SPOCK3: variants seen among roughly 807,000 people sequenced by gnomAD.
The protein encoded by SPOCK3 is SPARC (osteonectin), cwcv and kazal like domains proteoglycan 3.
In SPOCK3, 30 loss-of-function variants were observed where a neutral mutation model predicts 56.6. The ratio of observed to expected loss-of-function variants is 0.53; its 90% CI spans 0.40 to 0.72. The LOEUF (loss-of-function observed/expected upper bound fraction) is 0.72. Ranked by LOEUF, SPOCK3 falls within the 30% of genes least tolerant of loss-of-function variation. The pLI is 0.00. For synonymous variants in SPOCK3, 196 were observed against 183.3 expected, an observed-to-expected ratio of 1.07 and a Z score of -0.56; for missense variants, 527 against 530.0, an observed-to-expected ratio of 0.99 and a Z score of 0.06.
chr4:167,083,320 G>T lies in SPOCK3; in HGVS notation c.190-20783C>A, dbSNP rs1247837166. On this transcript the variant is annotated intron_variant, in intron 2 of 10. Coordinates refer to ENST00000357545, the MANE Select transcript of SPOCK3 (RefSeq NM_001040159.2). ...GGTTGTCATCTGCTCCTACTGAGAT[G>T]CCCCACAGTTCCCCACCATGTGCAT... is the stretch of plus-strand genomic sequence containing the variant. 3 of 764,330 alleles carry T rather than the reference G, an allele frequency of 3.9e-6. No homozygotes were observed. In the African/African-American group the frequency reaches 5.1e-5, roughly 13 times the overall value. 47.3% of individuals were successfully genotyped at this position (764,330 alleles called of 1,614,324 possible).
chr4:166,911,156 G>A (rs998779392), intron 5 of SPOCK3, among the ~76,000 whole-genome samples: 26 of 152,134 alleles, frequency 1.7e-4, no homozygotes, highest in South Asian at 2.1e-4. Flanking sequence ...CTCTCCTAGC[G>A]ATAACTCCGC....
chr4:167,064,237 T>C (rs2150250434), intron 2 of SPOCK3, among the ~76,000 whole-genome samples: 1 of 151,776 alleles, frequency 6.6e-6, no homozygotes, highest in East Asian at 1.9e-4. Context: ...AAGAAAAAAA[T>C]GACATCACTG....
At chr4:167,216,781 G>A (rs1352391811) in intron 2 of SPOCK3, among the ~76,000 whole-genome samples, 5 of 151,986 alleles carry the variant, frequency 3.3e-5, no homozygotes, top group Admixed American at 3.3e-4. Flanking sequence ...GTATATCTAA[G>A]TATTTTCTGA....
At chr4:166,891,828 C>T (rs540751748) in intron 5 of SPOCK3, among the ~76,000 whole-genome samples, 15 of 151,904 alleles carry the variant, frequency 9.9e-5, no homozygotes, top group Non-Finnish European at 1.6e-4. Context: ...TCAGGAGCAA[C>T]TGTGAGTGGT....
intron 6 of SPOCK3, among the ~76,000 whole-genome samples, chr4:166,873,086 T>C (rs1230924535): frequency 1.3e-5 from 2 of 151,980 alleles, no homozygotes; most frequent in Non-Finnish European, 2.9e-5. Flanking sequence ...ACCCATATAC[T>C]TTCCACTAGC....
intron 6 of SPOCK3, among the ~76,000 whole-genome samples, chr4:166,819,871 C>T (rs772340237): frequency 6.6e-6 from 1 of 151,808 alleles, no homozygotes; most frequent in Non-Finnish European, 1.5e-5. Context: ...AGGCATGCAC[C>T]ACCATGCCCA....
At chr4:166,769,257 G>A (rs1738585540) in intron 7 of SPOCK3, among the ~76,000 whole-genome samples, 1 of 152,128 alleles carries the variant, frequency 6.6e-6, no homozygotes, top group African/African-American at 2.4e-5. Flanking sequence ...GAGGGGGAGA[G>A]GTGCTCTGAT....
At chr4:167,087,942 G>GA (rs1758351095) in intron 2 of SPOCK3, among the ~76,000 whole-genome samples, 1 of 151,570 alleles carries the variant, frequency 6.6e-6, no homozygotes, top group Admixed American at 6.6e-5. Flanking sequence ...TATGGAACCA[G>GA]AAAAAGATGG....
intron 5 of SPOCK3, among the ~76,000 whole-genome samples, chr4:166,904,636 C>A (rs1372155451): frequency 6.6e-5 from 10 of 151,874 alleles, no homozygotes; most frequent in Non-Finnish European, 1.3e-4. Context: ...TGTTCTCACT[C>A]ATATGTGGGA....
At chr4:166,866,911 G>C (rs996734714) in intron 6 of SPOCK3, among the ~76,000 whole-genome samples, 1 of 151,960 alleles carries the variant, frequency 6.6e-6, no homozygotes, top group African/African-American at 2.4e-5. Context: ...GATAAATATA[G>C]TTAAAAACAT....
At chr4:166,772,064 T>C (rs1738999550) in intron 7 of SPOCK3, among the ~76,000 whole-genome samples, 1 of 152,046 alleles carries the variant, frequency 6.6e-6, no homozygotes, top group Non-Finnish European at 1.5e-5. Flanking sequence ...AATCAGTATA[T>C]TTATGGATTA....
rs527912563 is a variant in SPOCK3 at position 166,802,596 on chromosome 4, C to A, written c.590-10307G>T. ...ACTAATCAAATTCACATGGGCTCAG[C>A]CTTTATGACCTAATCACCTCCCACA... On this transcript the variant is annotated intron_variant, in intron 6 of 10. Transcript: ENST00000357545. Among the ~76,000 whole-genome samples, 166 of 152,082 alleles carry A rather than the reference C, an allele frequency of 1.1e-3. 1 individual carries two copies. The highest frequency in any genetic ancestry group is 3.9e-3 in the African/African-American group (160 of 41,476).
chr4:166,877,075 T>C lies in SPOCK3; in HGVS notation c.589+12055A>G, dbSNP rs373289869. 1.9e-4 allele frequency among the ~76,000 whole-genome samples: 29 copies of C among 152,218 alleles called. No individual in the cohort carries two copies. In the East Asian group the frequency reaches 3.9e-3, roughly 20 times the overall value. The stretch of plus-strand genomic sequence containing the variant: ...AATAGAAACAACCAAAAGAATGAAA[T>C]ACCATAGTGGTTAAAGTGGCTACCT... On this transcript the variant is annotated intron_variant, in intron 6 of 10. Coordinates refer to ENST00000357545, the MANE Select transcript of SPOCK3 (RefSeq NM_001040159.2).
intron 6 of SPOCK3, among the ~76,000 whole-genome samples, chr4:166,860,801 T>TTATATATATATATATATATATA (rs1731145772): frequency 5.3e-5 from 1 of 19,028 alleles, no homozygotes; most frequent in African/African-American, 2.6e-4. Flanking sequence ...ACACACAAAT[T>TTATATATATATATATATATATA]CATATATATA....
intron 4 of SPOCK3, among the ~76,000 whole-genome samples, chr4:166,986,859 T>C (rs745764811): frequency 9.2e-5 from 14 of 152,028 alleles, no homozygotes; most frequent in Non-Finnish European, 1.3e-4. Flanking sequence ...AAATGAGATA[T>C]CCAATTCATT....
At chr4:166,906,316 CT>C (rs1269224210) in intron 5 of SPOCK3, among the ~76,000 whole-genome samples, 1 of 151,954 alleles carries the variant, frequency 6.6e-6, no homozygotes, top group Non-Finnish European at 1.5e-5. Context: ...ATAAACGATT[CT>C]GCAACTGGTT....
At position 166,908,695 on chromosome 4, in the gene SPOCK3, T is replaced by A. The variant is rs77020983; in HGVS notation, c.474+3925A>T. Among the ~76,000 whole-genome samples, 401 of 152,178 alleles carry A rather than the reference T, an allele frequency of 2.6e-3. 9 individuals carry two copies. The East Asian group carries it at 0.059, about 22-fold the overall frequency. The stretch of plus-strand genomic sequence containing the variant: ...GTCCTCAGGGAATTTATATTACACA[T>A]GTTCTACTCAAGTCTAAAAGGTTAA... On this transcript the variant is annotated intron_variant, in intron 5 of 10. Transcript: ENST00000357545.
At chr4:166,975,959 G>A (rs1745897114) in intron 4 of SPOCK3, among the ~76,000 whole-genome samples, 1 of 152,102 alleles carries the variant, frequency 6.6e-6, no homozygotes, top group South Asian at 2.1e-4. Flanking sequence ...GCTATTGTGA[G>A]TAGTGCTGCA....
chr4:166,843,247 G>A (rs1579394516), intron 6 of SPOCK3, among the ~76,000 whole-genome samples: 1 of 152,236 alleles, frequency 6.6e-6, no homozygotes, highest in Admixed American at 6.5e-5. Flanking sequence ...CAGGGCAGAG[G>A]TGGGCTGAAG....
Sources: allele counts gnomAD v4.1 joint callset (sites outside exome capture counted in the v4.1 genomes callset), GRCh38; gene constraint gnomAD v4.1.1; transcripts MANE v1.5; gene names NCBI Gene and HGNC (gene_info 2026-07-23, HGNC 2026-07-21).